VAV2: variants seen among roughly 807,000 people sequenced by gnomAD.
The protein encoded by VAV2 is vav guanine nucleotide exchange factor 2, also known as guanine nucleotide exchange factor VAV2.
A neutral mutation model predicts 132.5 loss-of-function variants in VAV2; 67 were observed. That is an observed-to-expected ratio of 0.51 (90% CI 0.42 to 0.62). The LOEUF (loss-of-function observed/expected upper bound fraction) is 0.62. Ranked by LOEUF, VAV2 falls within the 20% of genes least tolerant of loss-of-function variation. VAV2 has a pLI of 0.00. For missense variants in VAV2, 938 were observed against 1,153.6 expected (o/e 0.81, Z 2.71); for synonymous variants, 492 against 443.5 (o/e 1.11, Z -1.37).
chr9:133,967,460 A>AC (rs1229993232), intron 1 of VAV2, among the ~76,000 whole-genome samples: 1 of 152,264 alleles, frequency 6.6e-6, no homozygotes, highest in African/African-American at 2.4e-5. Context: ...TCCCACCTTT[A>AC]CCGTAGCACT....
At position 133,794,159 on chromosome 9, in the gene VAV2, T is replaced by C. The variant is rs964288480; in HGVS notation, c.1101+1509A>G. 1.3e-5 allele frequency among the ~76,000 whole-genome samples: 2 copies of C among 152,012 alleles called. No individual in the cohort carries two copies. Among genetic ancestry groups the C allele is most frequent in the Admixed American group, 1.3e-4 (2 of 15,260 alleles). Reference sequence around the variant, plus strand: ...GGTGCACGGCCCACTGCACCTGCTGTCACTGTCTCAGAGCCCCCGAGGACG... The same window carrying C: ...GGTGCACGGCCCACTGCACCTGCTGCCACTGTCTCAGAGCCCCCGAGGACG... On this transcript the variant is annotated intron_variant, in intron 12 of 29. Transcript: ENST00000371850. This position sits in a 1 kb window ranked among gnomAD's most constrained non-coding sequence, Gnocchi z 4.6.
chr9:133,949,564 C>A (rs1466337176), intron 1 of VAV2, among the ~76,000 whole-genome samples: 1 of 152,236 alleles, frequency 6.6e-6, no homozygotes, highest in Non-Finnish European at 1.5e-5. Context: ...TCTGTACCTG[C>A]CCCCTCGAAT....
intron 2 of VAV2, among the ~76,000 whole-genome samples, chr9:133,937,550 G>A (rs1284069395): frequency 6.6e-6 from 1 of 151,874 alleles, no homozygotes; most frequent in African/African-American, 2.4e-5. Flanking sequence ...GTGTGTGTGT[G>A]TGTGTGTGTT....
intron 2 of VAV2, among the ~76,000 whole-genome samples, chr9:133,870,225 C>T (rs1837973675): frequency 6.6e-6 from 1 of 152,166 alleles, no homozygotes; most frequent in Non-Finnish European, 1.5e-5. Context: ...TGGGGCCCAA[C>T]ATCAATATCA....
At chr9:133,978,619 C>A (rs975545865) in intron 1 of VAV2, among the ~76,000 whole-genome samples, 5 of 152,256 alleles carry the variant, frequency 3.3e-5, no homozygotes, top group African/African-American at 1.2e-4. Flanking sequence ...TGTCTTCATC[C>A]TTACACAAAC....
At chr9:133,880,379 G>A (rs2131936120) in intron 2 of VAV2, among the ~76,000 whole-genome samples, 1 of 152,368 alleles carries the variant, frequency 6.6e-6, no homozygotes, top group South Asian at 2.1e-4. Context: ...AGATGATAAA[G>A]GCGGGCAGGG....
chr9:133,905,695 G>A (rs890690742), intron 2 of VAV2, among the ~76,000 whole-genome samples: 1 of 152,074 alleles, frequency 6.6e-6, no homozygotes, highest in African/African-American at 2.4e-5. Flanking sequence ...GACCAGCCCT[G>A]GGGGGTAGCC....
At chr9:133,817,091 A>G (rs1835588915) in intron 4 of VAV2, among the ~76,000 whole-genome samples, 1 of 152,224 alleles carries the variant, frequency 6.6e-6, no homozygotes, top group Admixed American at 6.5e-5. Context: ...TGCCATCTTA[A>G]CGATAACATC....
chr9:133,930,447 TGGCCTCTTCACTGCCACCC>T (rs1032516609), intron 2 of VAV2, among the ~76,000 whole-genome samples: 4 of 149,494 alleles, frequency 2.7e-5, no homozygotes, highest in African/African-American at 9.9e-5. Flanking sequence ...CATTGCCTCT[TGGCCTCTTCACTGCCACCC>T]GGCCTCCTCT....
chr9:133,769,282 T>A lies in VAV2; in HGVS notation c.2434+135A>T. The A allele has an allele frequency of 2.1e-6, 2 of 942,928 alleles. No homozygotes were observed. The highest frequency in any genetic ancestry group is 3.5e-4 in the Middle Eastern group (1 of 2,862). The allele number at this position is 942,928 out of a possible 1,614,324, so 58.4% of individuals were successfully genotyped here. On this transcript the variant is annotated intron_variant, in intron 28 of 29. Coordinates refer to ENST00000371850, the MANE Select transcript of VAV2 (RefSeq NM_001134398.2). This position sits in a 1 kb window ranked among gnomAD's most constrained non-coding sequence, Gnocchi z 8.1. ...CGGCCTCCCCAGCCCCTTTCTCCCC[T>A]CCACCCAGTGCCAGACTGCGGACAA...
Position 133,833,072 on chromosome 9 carries a change from C to G in VAV2, c.449+1200G>C, listed in dbSNP as rs1191018371. Among the ~76,000 whole-genome samples, 1 of 152,190 alleles carries G rather than the reference C, an allele frequency of 6.6e-6. No individual in the cohort carries two copies. The highest frequency in any genetic ancestry group is 1.9e-4 in the East Asian group (1 of 5,188). Reference sequence around the variant, plus strand: ...GTGGGATTTGCCAAGGACCCCGTGGCCAGCCCAGCATCAAAGGGATGGGCT... The same window carrying G: ...GTGGGATTTGCCAAGGACCCCGTGGGCAGCCCAGCATCAAAGGGATGGGCT... On this transcript the variant is annotated intron_variant, in intron 4 of 29. Transcript: ENST00000371850. This position sits in a 1 kb window ranked among gnomAD's most constrained non-coding sequence, Gnocchi z 5.6.
chr9:133,792,610 C>T (rs1385462853), intron 12 of VAV2, among the ~76,000 whole-genome samples: 1 of 149,418 alleles, frequency 6.7e-6, no homozygotes, highest in Non-Finnish European at 1.5e-5. Flanking sequence ...CTGTGCTGTG[C>T]AGGGTGTGTG....
intron 13 of VAV2, among the ~76,000 whole-genome samples, chr9:133,790,361 G>A (rs950791006): frequency 2.0e-5 from 3 of 152,226 alleles, no homozygotes; most frequent in Admixed American, 1.3e-4. Context: ...ATTTTTAGTA[G>A]AGACAGGGTT....
chr9:133,943,768 G>T (rs534157586), intron 1 of VAV2, among the ~76,000 whole-genome samples: 1 of 152,362 alleles, frequency 6.6e-6, no homozygotes, highest in African/African-American at 2.4e-5. Flanking sequence ...AGAATCCCTT[G>T]TCCAGGCTCT....
intron 2 of VAV2, among the ~76,000 whole-genome samples, chr9:133,874,822 C>A (rs1304606284): frequency 1.3e-5 from 2 of 152,202 alleles, no homozygotes; most frequent in Non-Finnish European, 2.9e-5. Context: ...CCATCTCCCT[C>A]CCCAGCCCAC....
At chr9:133,964,052 T>TAC (rs1564507720) in intron 1 of VAV2, among the ~76,000 whole-genome samples, 7 of 116,998 alleles carry the variant, frequency 6.0e-5, no homozygotes, top group Non-Finnish European at 1.3e-4. Context: ...TATATATACA[T>TAC]ATATATACAT....
At chr9:133,934,107 T>TGATGGACA (rs1463057004) in intron 2 of VAV2, among the ~76,000 whole-genome samples, 8 of 150,786 alleles carry the variant, frequency 5.3e-5, no homozygotes, top group African/African-American at 1.9e-4. Context: ...GATGGATGGA[T>TGATGGACA]GATGGATAGA....
chr9:133,911,282 G>C (rs534506608), intron 2 of VAV2, among the ~76,000 whole-genome samples: 1 of 152,352 alleles, frequency 6.6e-6, no homozygotes, highest in East Asian at 1.9e-4. Flanking sequence ...CTGCCCGGGA[G>C]AACTTTCTGT....
intron 4 of VAV2, among the ~76,000 whole-genome samples, chr9:133,822,438 G>A (rs1333017365): frequency 6.6e-6 from 1 of 152,220 alleles, no homozygotes; most frequent in Non-Finnish European, 1.5e-5. Flanking sequence ...GAAGAAGCCG[G>A]CTGGGAACTG....
Sources: gnomAD v4.1 joint callset for allele counts (sites outside exome capture counted in the v4.1 genomes callset) on GRCh38, gnomAD v4.1.1 for gene constraint, Gnocchi (gnomAD v3.1) non-coding constraint, MANE v1.5 for transcripts, NCBI Gene and HGNC (gene_info 2026-07-23, HGNC 2026-07-21) for gene names.